The following CDH18 variants were observed in gnomAD, a reference collection of about 807,000 sequenced individuals.
CDH18 encodes cadherin 18.
In CDH18, 31 loss-of-function variants were observed where a neutral mutation model predicts 67.9. The observed-to-expected ratio is 0.46, with a 90% confidence interval of 0.34 to 0.62. The LOEUF (loss-of-function observed/expected upper bound fraction) is 0.62. Ranked by LOEUF, CDH18 falls within the 20% of genes least tolerant of loss-of-function variation. The pLI is 0.01. For synonymous variants in CDH18, 362 were observed against 347.2 expected, an observed-to-expected ratio of 1.04 and a Z score of -0.48; for missense variants, 890 against 975.5, an observed-to-expected ratio of 0.91 and a Z score of 1.17.
intron 2 of CDH18, among the ~76,000 whole-genome samples, chr5:20,147,663 A>G (rs984127543): frequency 6.6e-6 from 1 of 152,038 alleles, no homozygotes; most frequent in Non-Finnish European, 1.5e-5. Flanking sequence ...TTATAAAGAT[A>G]TTTTACCTGC....
chr5:19,556,240 T>C (rs752248609), intron 8 of CDH18, among the ~76,000 whole-genome samples: 3 of 152,106 alleles, frequency 2.0e-5, no homozygotes, highest in Admixed American at 6.6e-5. Flanking sequence ...AAGATCACAC[T>C]AGATTATCAG....
chr5:20,034,454 T>C (rs1004554804), intron 2 of CDH18, among the ~76,000 whole-genome samples: 3 of 152,088 alleles, frequency 2.0e-5, no homozygotes, highest in Non-Finnish European at 4.4e-5. Context: ...TGTGCCCAGA[T>C]ATTTGGTTAA....
At chr5:19,661,759 C>T (rs1757213282) in intron 5 of CDH18, among the ~76,000 whole-genome samples, 1 of 151,964 alleles carries the variant, frequency 6.6e-6, no homozygotes, top group Non-Finnish European at 1.5e-5. Flanking sequence ...AAAAATGAAA[C>T]CTTTCTAAGA....
chr5:20,485,213 T>C (rs1753087090), intron 1 of CDH18, among the ~76,000 whole-genome samples: 1 of 152,148 alleles, frequency 6.6e-6, no homozygotes, highest in South Asian at 2.1e-4. Flanking sequence ...AGCTGTTAAT[T>C]TCTCTCTTCT....
chr5:20,139,567 A>G (rs1453239876), intron 2 of CDH18, among the ~76,000 whole-genome samples: 2 of 152,204 alleles, frequency 1.3e-5, no homozygotes, highest in Non-Finnish European at 2.9e-5. Context: ...CAATCTACCC[A>G]TCTGACAAAG....
chr5:19,860,750 T>C (rs1357302130), intron 2 of CDH18, among the ~76,000 whole-genome samples: 3 of 152,012 alleles, frequency 2.0e-5, no homozygotes, highest in African/African-American at 4.8e-5. Context: ...ATAATTACCA[T>C]TAAACATGAT....
chr5:19,516,633 CAA>C (rs1185255276), intron 10 of CDH18, among the ~76,000 whole-genome samples: 1 of 152,070 alleles, frequency 6.6e-6, no homozygotes, highest in Non-Finnish European at 1.5e-5. Context: ...AGTTTATTTG[CAA>C]AGAGGTGTTT....
At chr5:19,808,008 A>G (rs1778210392) in intron 3 of CDH18, among the ~76,000 whole-genome samples, 1 of 152,198 alleles carries the variant, frequency 6.6e-6, no homozygotes. Flanking sequence ...AATATATCCT[A>G]TATAGTATTC....
chr5:19,897,901 G>A (rs1293875024), intron 2 of CDH18, among the ~76,000 whole-genome samples: 1 of 152,024 alleles, frequency 6.6e-6, no homozygotes, highest in Non-Finnish European at 1.5e-5. Context: ...AATTAGCATA[G>A]CATAATTTTG....
intron 2 of CDH18, among the ~76,000 whole-genome samples, chr5:19,908,373 C>T: frequency 6.6e-6 from 1 of 151,934 alleles, no homozygotes; most frequent in East Asian, 1.9e-4. Flanking sequence ...GTGAGCATCT[C>T]CCATAATCTT....
intron 1 of CDH18, among the ~76,000 whole-genome samples, chr5:20,374,822 T>C (rs907403014): frequency 6.6e-6 from 1 of 152,144 alleles, no homozygotes; most frequent in Admixed American, 6.5e-5. Flanking sequence ...CTGATGGCAA[T>C]GTGTTAAACT....
At chr5:19,759,240 C>G (rs1353201350) in intron 3 of CDH18, among the ~76,000 whole-genome samples, 6 of 152,208 alleles carry the variant, frequency 3.9e-5, no homozygotes. Flanking sequence ...GTTTTCTGCA[C>G]AGGCCAAATG....
chr5:20,299,467 C>T (rs899943599), intron 1 of CDH18, among the ~76,000 whole-genome samples: 2 of 149,996 alleles, frequency 1.3e-5, no homozygotes, highest in African/African-American at 4.9e-5. Context: ...GTCATTCCAG[C>T]AGGTTTCTTC....
chr5:19,595,530 A>G (rs1746034782), intron 6 of CDH18, among the ~76,000 whole-genome samples: 1 of 152,212 alleles, frequency 6.6e-6, no homozygotes, highest in South Asian at 2.1e-4. Flanking sequence ...AGACTGAGGC[A>G]GGAGAATCGC....
At position 20,177,743 on chromosome 5, in the gene CDH18, T is replaced by C. The variant is rs995921134; in HGVS notation, c.-518+77701A>G. ...GACCCAGTGGGAGATAATTGAATCATGGGGGTGGTTTCCCCCATACTGATC... is the reference window on the plus strand; with the variant it reads ...GACCCAGTGGGAGATAATTGAATCACGGGGGTGGTTTCCCCCATACTGATC... On this transcript the variant is annotated intron_variant, in intron 2 of 14. Coordinates refer to the CDH18 transcript ENST00000507958. 3.3e-5 allele frequency among the ~76,000 whole-genome samples: 5 copies of C among 152,170 alleles called. No individual in the cohort carries two copies. The East Asian group carries it at 9.7e-4, about 30-fold the overall frequency.
intron 1 of CDH18, among the ~76,000 whole-genome samples, chr5:20,293,735 C>T (rs547846101): frequency 1.3e-5 from 2 of 152,182 alleles, no homozygotes; most frequent in African/African-American, 2.4e-5. Context: ...TTGGCATAAC[C>T]GATGCTTTTG....
chr5:19,947,920 A>T (rs73059702), intron 2 of CDH18, among the ~76,000 whole-genome samples: 1 of 152,084 alleles, frequency 6.6e-6, no homozygotes, highest in Admixed American at 6.6e-5. Flanking sequence ...TAAACTCTCA[A>T]ATCTCACAGT....
At position 19,702,474 on chromosome 5, in the gene CDH18, C is replaced by T. The variant is rs761639221; in HGVS notation, c.643+18873G>A. Among the ~76,000 whole-genome samples, 103 of 150,944 alleles carry T rather than the reference C, an allele frequency of 6.8e-4. 1 individual carries two copies. The highest frequency in any genetic ancestry group is 4.2e-4 in the East Asian group (2 of 4,796). On this transcript the variant is annotated intron_variant, in intron 5 of 12. Coordinates refer to ENST00000382275, the MANE Select transcript of CDH18 (RefSeq NM_004934.5). ...GCAGCATTCTTTCTAACTAACAAAA[C>T]GTCCCTTTCAGCCGGGCGTGGTGGC...
chr5:20,313,125 C>T (rs1737144804), intron 1 of CDH18, among the ~76,000 whole-genome samples: 1 of 150,642 alleles, frequency 6.6e-6, no homozygotes, highest in Non-Finnish European at 1.5e-5. Context: ...TGCTTAACTT[C>T]AATGAAATGA....
Sources: allele counts gnomAD v4.1 joint callset (sites outside exome capture counted in the v4.1 genomes callset), GRCh38; gene constraint gnomAD v4.1.1; transcripts MANE v1.5; gene names NCBI Gene and HGNC (gene_info 2026-07-23, HGNC 2026-07-21).